BMPER: variants seen among roughly 807,000 people sequenced by gnomAD.
BMPER encodes the protein BMP-binding endothelial regulator protein.
BMPER carries 45 observed loss-of-function variants against 87.3 expected under a neutral mutation model. The ratio of observed to expected loss-of-function variants is 0.52; its 90% CI spans 0.41 to 0.66. The LOEUF is 0.66. Among genes scored for constraint, BMPER ranks in the 30% least tolerant of loss-of-function variants. The pLI, the probability that BMPER is intolerant of heterozygous loss-of-function variation, is 0.00. For missense variants in BMPER, 784 were observed against 867.5 expected (o/e 0.90, Z 1.21); for synonymous variants, 326 against 316.2 (o/e 1.03, Z -0.33).
At position 33,933,566 on chromosome 7, in the gene BMPER, G is replaced by A. The variant is rs142009185; in HGVS notation, c.220-3723G>A. 2.0e-3 allele frequency among the ~76,000 whole-genome samples: 306 copies of A among 152,068 alleles called. 2 individuals are homozygous for A. Among genetic ancestry groups the A allele is most frequent in the African/African-American group, 7.0e-3 (290 of 41,476 alleles). On this transcript the variant is annotated intron_variant, in intron 2 of 14. Transcript: ENST00000649409. ...TGGGATTTGGGGAAAAGTGTTTGAG[G>A]ATGCCAGTCTGGCTTTCAGAGGCAT...
At chr7:33,920,344 T>A (rs1784190580) in intron 2 of BMPER, among the ~76,000 whole-genome samples, 1 of 151,808 alleles carries the variant, frequency 6.6e-6, no homozygotes, top group Non-Finnish European at 1.5e-5. Flanking sequence ...AAATGCAGAT[T>A]TCCTGTGTCC....
At chr7:34,004,833 C>A (rs1786683363) in intron 6 of BMPER, among the ~76,000 whole-genome samples, 1 of 152,120 alleles carries the variant, frequency 6.6e-6, no homozygotes, top group African/African-American at 2.4e-5. Context: ...TCGGATTGCA[C>A]AGAGCCTCAA....
chr7:34,099,534 G>C (rs952745180), intron 13 of BMPER, among the ~76,000 whole-genome samples: 1 of 152,122 alleles, frequency 6.6e-6, no homozygotes, highest in African/African-American at 2.4e-5. Context: ...TATGTTGACT[G>C]AATTTTTAAA....
At chr7:33,957,732 C>T (rs933153107) in intron 3 of BMPER, among the ~76,000 whole-genome samples, 2 of 152,032 alleles carry the variant, frequency 1.3e-5, no homozygotes, top group African/African-American at 4.8e-5. Context: ...ATGGAACCTA[C>T]CTGTATATTT....
At chr7:34,085,610 A>T in intron 12 of BMPER, 146 bp from the exon 13 acceptor site, 1 of 756,544 alleles carries the variant, frequency 1.3e-6, no homozygotes, top group Non-Finnish European at 2.3e-6. Flanking sequence ...TAGTGAGATT[A>T]AGAGGTAACC....
chr7:34,055,374 G>C, intron 9 of BMPER, 71 bp downstream of exon 9: 2 of 1,589,550 alleles, frequency 1.3e-6, no homozygotes, highest in African/African-American at 1.3e-5. Context: ...CCAGACACTA[G>C]GCAGATTGGG....
intron 13 of BMPER, among the ~76,000 whole-genome samples, chr7:34,100,057 C>CCT (rs1789638853): frequency 6.6e-6 from 1 of 152,026 alleles, no homozygotes; most frequent in Admixed American, 6.6e-5. Context: ...TCCCTCCCTC[C>CCT]CTCTCTCTCT....
chr7:33,927,136 C>G (rs1784378565), intron 2 of BMPER, among the ~76,000 whole-genome samples: 1 of 152,258 alleles, frequency 6.6e-6, no homozygotes, highest in Non-Finnish European at 1.5e-5. Context: ...AGCGGCTCCT[C>G]CGCCCTGCCT....
intron 13 of BMPER, among the ~76,000 whole-genome samples, chr7:34,119,878 A>G (rs1790217819): frequency 6.6e-6 from 1 of 152,200 alleles, no homozygotes; most frequent in Admixed American, 6.5e-5. Flanking sequence ...GAAAGTAAAG[A>G]TGTGAAAAAA....
At chr7:33,945,023 G>A (rs1463811845) in intron 3 of BMPER, among the ~76,000 whole-genome samples, 1 of 148,932 alleles carries the variant, frequency 6.7e-6, no homozygotes, top group Non-Finnish European at 1.5e-5. Flanking sequence ...CTCACTGCAA[G>A]CTCCACCTCC....
chr7:34,127,462 T>G (rs149604899), intron 13 of BMPER, among the ~76,000 whole-genome samples: 18 of 152,260 alleles, frequency 1.2e-4, no homozygotes, highest in African/African-American at 4.1e-4. Flanking sequence ...TTACACCACA[T>G]AAGTCAGCAT....
chr7:34,031,951 T>C (rs958828018), intron 6 of BMPER, among the ~76,000 whole-genome samples: 14 of 136,274 alleles, frequency 1.0e-4, no homozygotes, highest in African/African-American at 3.0e-4. Flanking sequence ...CACATATATA[T>C]ACACACACAC....
At chr7:34,024,674 G>A (rs763911933) in intron 6 of BMPER, among the ~76,000 whole-genome samples, 34 of 151,334 alleles carry the variant, frequency 2.2e-4, no homozygotes, top group African/African-American at 3.2e-4. Context: ...TCCTATAGTG[G>A]TAGAGATGGA....
intron 14 of BMPER, among the ~76,000 whole-genome samples, chr7:34,143,621 G>T (rs1790935407): frequency 6.6e-6 from 1 of 152,202 alleles, no homozygotes. Context: ...AAATCCTCTT[G>T]ACCTCAAACT....
At chr7:34,054,879 A>G (rs1250215959) in intron 8 of BMPER, among the ~76,000 whole-genome samples, 4 of 152,186 alleles carry the variant, frequency 2.6e-5, no homozygotes, top group African/African-American at 9.6e-5. Flanking sequence ...GTCTTGCCAC[A>G]TGCTGGTGGA....
chr7:34,025,705 A>C (rs1426021277), intron 6 of BMPER, among the ~76,000 whole-genome samples: 1 of 152,034 alleles, frequency 6.6e-6, no homozygotes, highest in Non-Finnish European at 1.5e-5. Flanking sequence ...CGGGAGACTC[A>C]ATTAGCACTT....
intron 13 of BMPER, among the ~76,000 whole-genome samples, chr7:34,130,879 T>C (rs944772645): frequency 1.3e-5 from 2 of 152,230 alleles, no homozygotes; most frequent in African/African-American, 2.4e-5. Flanking sequence ...GCATGTGCTT[T>C]AGAAGGCGAC....
chr7:34,070,427 T>C (rs1229963540), intron 11 of BMPER, among the ~76,000 whole-genome samples: 1 of 152,202 alleles, frequency 6.6e-6, no homozygotes, highest in African/African-American at 2.4e-5. Flanking sequence ...CTTTTTGTGA[T>C]GTTTTTCAAA....
At chr7:34,129,610 A>AAAGAGAGAG (rs1790508301) in intron 13 of BMPER, among the ~76,000 whole-genome samples, 1 of 69,642 alleles carries the variant, frequency 1.4e-5, no homozygotes, top group Non-Finnish European at 3.0e-5. Context: ...GAGAGAGAGA[A>AAAGAGAGAG]AGAGAGAGAG....
Sources: allele counts gnomAD v4.1 joint callset (sites outside exome capture counted in the v4.1 genomes callset), GRCh38; gene constraint gnomAD v4.1.1; transcripts MANE v1.5; gene names NCBI Gene and HGNC (gene_info 2026-07-23, HGNC 2026-07-21).